EIF4E3: variants seen among roughly 807,000 people sequenced by gnomAD.
The protein encoded by EIF4E3 is eukaryotic translation initiation factor 4E family member 3.
Under a neutral mutation model 31.7 loss-of-function variants are expected in EIF4E3, and 26 were observed. The ratio of observed to expected loss-of-function variants is 0.82; its 90% confidence interval spans 0.60 to 1.14. The LOEUF (loss-of-function observed/expected upper bound fraction) is 1.14. Among genes scored for constraint, EIF4E3 ranks in the 50% most tolerant of loss-of-function variants. EIF4E3 has a pLI of 0.00. For synonymous variants in EIF4E3, 128 were observed against 107.7 expected, an observed-to-expected ratio of 1.19 and a Z score of -1.17; for missense variants, 304 against 270.9, an observed-to-expected ratio of 1.12 and a Z score of -0.86.
intron 2 of EIF4E3, among the ~76,000 whole-genome samples, chr3:71,700,121 G>A (rs1481553554): frequency 6.6e-6 from 1 of 152,164 alleles, no homozygotes; most frequent in Non-Finnish European, 1.5e-5. Context: ...CTGCAAGTGA[G>A]CCAAGATCGC....
intron 2 of EIF4E3, among the ~76,000 whole-genome samples, chr3:71,706,734 G>T (rs2049298559): frequency 6.6e-6 from 1 of 152,066 alleles, no homozygotes; most frequent in Non-Finnish European, 1.5e-5. Context: ...GGGGTGGGAG[G>T]ATCTCTTGAG....
At chr3:71,689,796 A>G (rs1397035163) in intron 6 of EIF4E3, among the ~76,000 whole-genome samples, 3 of 152,000 alleles carry the variant, frequency 2.0e-5, no homozygotes, top group African/African-American at 7.2e-5. Flanking sequence ...TTTCTGATCC[A>G]CGCAGTTAGG....
chr3:71,693,955 A>G lies in EIF4E3; in HGVS notation c.406-14T>C. 1 of 1,554,082 alleles carries G rather than the reference A, an allele frequency of 6.4e-7. No individual in the cohort carries two copies. Among genetic ancestry groups the G allele is most frequent in the Non-Finnish European group, 8.7e-7 (1 of 1,152,676 alleles). On this transcript the variant is annotated splice_polypyrimidine_tract_variant and intron_variant, in intron 4 of 6. Coordinates refer to ENST00000425534, the MANE Select transcript of EIF4E3 (RefSeq NM_001134651.2). ...CCAAACTGTGGACTGATATGGGAAA[A>G]GAATAAAAAACAAAACAAACAAAAT...
Position 71,681,042 on chromosome 3 carries a change from A to G in EIF4E3, c.*3640T>C, listed in dbSNP as rs1345562557. 3.3e-5 allele frequency: 5 copies of G among 152,146 alleles called. No individual in the cohort carries two copies. Among genetic ancestry groups the G allele is most frequent in the African/African-American group, 1.2e-4 (5 of 41,408 alleles). The allele number at this position is 152,146 out of a possible 1,614,324, so 9.4% of individuals were successfully genotyped here. ...TGATGAAATATTTTCCATATCTCCT[A>G]TATGTGAGTTTATTTTATTCTTTTT... is the stretch of plus-strand genomic sequence containing the variant. On this transcript the variant is annotated 3_prime_UTR_variant, in exon 7 of 7. Coordinates refer to ENST00000425534, the MANE Select transcript of EIF4E3 (RefSeq NM_001134651.2).
intron 1 of EIF4E3, among the ~76,000 whole-genome samples, chr3:71,733,718 G>C (rs1358558277): frequency 6.6e-6 from 1 of 152,100 alleles, no homozygotes; most frequent in Non-Finnish European, 1.5e-5. Context: ...GAATCCTTCT[G>C]TGATTTAAAA....
chr3:71,750,765 G>GT lies in EIF4E3; in HGVS notation c.-291+2697_-291+2698insA, dbSNP rs200014881. ...GGAGACCCCATCTCTACAAATAATT[G>GT]GTTTTTTTTTTTTTTTGAGACGGAG... On this transcript the variant is annotated intron_variant, in intron 1 of 7. Coordinates refer to the EIF4E3 transcript ENST00000295612. Among the ~76,000 whole-genome samples, 486 of 123,760 alleles carry GT rather than the reference G, an allele frequency of 3.9e-3. 11 individuals are homozygous for GT. Among genetic ancestry groups the GT allele is most frequent in the Middle Eastern group, 0.012 (3 of 244 alleles). The allele number at this position is 123,760 out of a possible 152,430, so 81.2% of individuals were successfully genotyped here.
At chr3:71,689,263 G>T (rs749441341) in intron 6 of EIF4E3, among the ~76,000 whole-genome samples, 3 of 152,190 alleles carry the variant, frequency 2.0e-5, no homozygotes, top group Non-Finnish European at 2.9e-5. Context: ...AACAGTTTTG[G>T]ATATAGGAAA....
upstream of EIF4E3, chr3:71,754,075 G>T: frequency 7.6e-7 from 1 of 1,313,100 alleles, no homozygotes; most frequent in Non-Finnish European, 9.8e-7. The surrounding 1 kb of genome is among the most constrained non-coding windows in gnomAD (Gnocchi z 5.8). Flanking sequence ...GAGCCGGGTG[G>T]CAGCGGCGGC....
chr3:71,703,671 T>C (rs2049249459), intron 2 of EIF4E3, among the ~76,000 whole-genome samples: 1 of 152,074 alleles, frequency 6.6e-6, no homozygotes, highest in African/African-American at 2.4e-5. Context: ...CCTCCTCAAT[T>C]TCCTACTGAA....
chr3:71,722,403 G>C lies in EIF4E3; in HGVS notation c.176+2789C>G, dbSNP rs534019176. Among the ~76,000 whole-genome samples the C allele has an allele frequency of 2.2e-3, 331 of 152,296 alleles. 1 individual carries two copies. The highest frequency in any genetic ancestry group is 7.3e-3 in the African/African-American group (302 of 41,550). On this transcript the variant is annotated intron_variant, in intron 1 of 6. Coordinates refer to ENST00000425534, the MANE Select transcript of EIF4E3 (RefSeq NM_001134651.2). ...CCTGGTGTAAATGGCACAAAGAAGA[G>C]GCCTGAGGCCTGAGTCTTGTGGGAA...
chr3:71,684,398 A>AG lies in EIF4E3; in HGVS notation c.*283_*284insC. 1 of 307,184 alleles carries AG rather than the reference A, an allele frequency of 3.3e-6. No homozygotes were observed. The highest frequency in any genetic ancestry group is 6.0e-6 in the Non-Finnish European group (1 of 166,084). 19.0% of individuals were successfully genotyped at this position (307,184 alleles called of 1,614,324 possible). A position where few individuals can be genotyped will look rare whatever the true frequency, so the allele number is the denominator to read the frequency against. On this transcript the variant is annotated 3_prime_UTR_variant, in exon 7 of 7. Coordinates refer to ENST00000425534, the MANE Select transcript of EIF4E3 (RefSeq NM_001134651.2). Reference sequence around the variant, plus strand: ...GAATAAGGAATTTTAAACGGCAAAAAAAAAAAAAAATCAGAGTGAAAAGAA... The same window carrying AG: ...GAATAAGGAATTTTAAACGGCAAAAAGAAAAAAAAAATCAGAGTGAAAAGAA...
chr3:71,667,794 G>C, the EIF4E3 span, among the ~76,000 whole-genome samples: 1 of 152,158 alleles, frequency 6.6e-6, no homozygotes, highest in African/African-American at 2.4e-5. Flanking sequence ...CTCATGAATA[G>C]GAAGAATCAA....
intron 1 of EIF4E3, among the ~76,000 whole-genome samples, chr3:71,718,870 T>C (rs1221072558): frequency 6.6e-6 from 1 of 152,146 alleles, no homozygotes; most frequent in Non-Finnish European, 1.5e-5. Context: ...TCCTGGGCCA[T>C]TTAGAGTTTA....
At chr3:71,748,164 T>C (rs985843178) in intron 1 of EIF4E3, among the ~76,000 whole-genome samples, 59 of 151,892 alleles carry the variant, frequency 3.9e-4, no homozygotes, top group African/African-American at 1.4e-3. Context: ...CAGTTGACTC[T>C]TGAACAACAT....
chr3:71,749,758 T>A (rs973244601), intron 1 of EIF4E3, among the ~76,000 whole-genome samples: 3 of 152,222 alleles, frequency 2.0e-5, no homozygotes, highest in Non-Finnish European at 2.9e-5. Flanking sequence ...TATACAAGAA[T>A]AATGGAAATT....
At chr3:71,662,081 A>G in the EIF4E3 span, among the ~76,000 whole-genome samples, 1 of 152,220 alleles carries the variant, frequency 6.6e-6, no homozygotes, top group Admixed American at 6.5e-5. Flanking sequence ...TAATCATATT[A>G]TAATTATTGC....
intron 1 of EIF4E3, among the ~76,000 whole-genome samples, chr3:71,720,382 A>G (rs191385420): frequency 6.6e-5 from 10 of 151,942 alleles, no homozygotes; most frequent in South Asian, 2.1e-4. Context: ...TAAAATAGAG[A>G]CGAGGTATTG....
intron 1 of EIF4E3, among the ~76,000 whole-genome samples, chr3:71,712,529 C>G (rs2049394342): frequency 6.7e-6 from 1 of 149,304 alleles, no homozygotes; most frequent in East Asian, 2.0e-4. Flanking sequence ...CTTCCTTTAT[C>G]TGACTGCTCT....
At chr3:71,740,921 C>G (rs7626678) in intron 1 of EIF4E3, among the ~76,000 whole-genome samples, 105,017 of 152,030 alleles carry the variant, frequency 0.69, 37,363 homozygotes, top group East Asian at 1. Context: ...TGGATCACAA[C>G]GTCAGGAGAT....
Sources: allele counts gnomAD v4.1 joint callset (sites outside exome capture counted in the v4.1 genomes callset), GRCh38; gene constraint gnomAD v4.1.1; non-coding constraint Gnocchi (gnomAD v3.1); transcripts MANE v1.5; gene names NCBI Gene and HGNC (gene_info 2026-07-23, HGNC 2026-07-21).